Variants in FTO observed in about 807,000 individuals in gnomAD.
FTO encodes FTO alpha-ketoglutarate dependent dioxygenase.
Under a neutral mutation model 63.9 loss-of-function variants are expected in FTO, and 47 were observed. The observed-to-expected ratio is 0.74, with a 90% CI of 0.58 to 0.94. FTO has a LOEUF of 0.94. Among genes scored for constraint, FTO ranks in the 40% least tolerant of loss-of-function variants. The pLI, the probability that FTO is intolerant of heterozygous loss-of-function variation, is 0.00. For missense variants in FTO, 562 were observed against 618.1 expected, an observed-to-expected ratio of 0.91 and a Z score of 0.96; for synonymous variants, 207 against 224.4, an observed-to-expected ratio of 0.92 and a Z score of 0.69.
rs917193043 is a variant in FTO, at chr16:54,116,230, T to C, written c.*4315T>C. On this transcript the variant is annotated 3_prime_UTR_variant, in exon 9 of 9. Coordinates refer to ENST00000471389, the MANE Select transcript of FTO (RefSeq NM_001080432.3). Reference sequence around the variant, plus strand: ...TATTTTCAAATGCAACTTCTTTTTTTTTTTTCTTGCTCTAGTTAGGGCTGA... The same window carrying C: ...TATTTTCAAATGCAACTTCTTTTTTCTTTTTCTTGCTCTAGTTAGGGCTGA... 6.6e-6 allele frequency: 1 copy of C among 152,166 alleles called. No individual in the cohort carries two copies. Among genetic ancestry groups the C allele is most frequent in the Non-Finnish European group, 1.5e-5 (1 of 68,028 alleles). The allele number at this position is 152,166 out of a possible 1,614,324, so 9.4% of individuals were successfully genotyped here. A position where few individuals can be genotyped will look rare whatever the true frequency, so the allele number is the denominator to read the frequency against.
At chr16:53,917,769 C>T (rs552034702) in intron 7 of FTO, among the ~76,000 whole-genome samples, 1 of 151,266 alleles carries the variant, frequency 6.6e-6, no homozygotes, top group East Asian at 1.9e-4. Flanking sequence ...TCGTCCATCT[C>T]CTCTGGGTAA....
chr16:53,721,783 C>T (rs570494839), intron 1 of FTO, among the ~76,000 whole-genome samples: 8 of 152,308 alleles, frequency 5.3e-5, no homozygotes, highest in Admixed American at 2.6e-4. Flanking sequence ...TCACAAACCA[C>T]TGACATTTCA....
At chr16:53,947,500 C>A (rs746172070) in intron 8 of FTO, among the ~76,000 whole-genome samples, 25 of 152,104 alleles carry the variant, frequency 1.6e-4, no homozygotes, top group Non-Finnish European at 2.4e-4. Flanking sequence ...CACTTCCCAG[C>A]CACCCCTTAC....
intron 8 of FTO, among the ~76,000 whole-genome samples, chr16:54,061,389 TCAAACCA>T (rs1424139455): frequency 1.3e-5 from 2 of 152,224 alleles, no homozygotes; most frequent in African/African-American, 4.8e-5. Context: ...AAATTTCCCA[TCAAACCA>T]TGTCAGCCTC....
intron 7 of FTO, among the ~76,000 whole-genome samples, chr16:53,925,667 TA>T (rs753335830): frequency 1.2e-4 from 18 of 152,142 alleles, no homozygotes; most frequent in Non-Finnish European, 2.4e-4. Flanking sequence ...TGTATAGAAT[TA>T]TTAGTAAAGA....
At chr16:53,901,669 A>G (rs963232032) in intron 7 of FTO, among the ~76,000 whole-genome samples, 3 of 152,134 alleles carry the variant, frequency 2.0e-5, no homozygotes, top group Admixed American at 2.0e-4. Flanking sequence ...TGAAAGACTG[A>G]GTAAATGTTC....
chr16:53,799,128 C>G (rs1295817231), intron 1 of FTO, among the ~76,000 whole-genome samples: 3 of 152,070 alleles, frequency 2.0e-5, no homozygotes, highest in Non-Finnish European at 2.9e-5. Flanking sequence ...AGTCTGCTAA[C>G]ATTTTGTTAA....
intron 1 of FTO, among the ~76,000 whole-genome samples, chr16:53,751,354 AG>A (rs1221317081): frequency 6.6e-6 from 1 of 152,172 alleles, no homozygotes; most frequent in Non-Finnish European, 1.5e-5. Flanking sequence ...GCTATTTGGG[AG>A]GCTGAGGCAG....
At chr16:53,799,094 TC>T (rs1238560516) in intron 1 of FTO, among the ~76,000 whole-genome samples, 1 of 152,220 alleles carries the variant, frequency 6.6e-6, no homozygotes, top group Non-Finnish European at 1.5e-5. Context: ...TTATATATTG[TC>T]CTTTTTATGT....
intron 7 of FTO, among the ~76,000 whole-genome samples, chr16:53,893,916 T>C (rs549395507): frequency 6.6e-6 from 1 of 152,334 alleles, no homozygotes; most frequent in East Asian, 1.9e-4. Context: ...TTAATAACCT[T>C]TATTGACTTT....
chr16:54,007,304 A>G (rs1230968814), intron 8 of FTO, among the ~76,000 whole-genome samples: 2 of 152,192 alleles, frequency 1.3e-5, no homozygotes, highest in South Asian at 4.1e-4. Flanking sequence ...CTTAAAGTAT[A>G]ATTTAAAAAA....
chr16:54,020,829 G>A (rs1477507122), intron 8 of FTO, among the ~76,000 whole-genome samples: 3 of 152,110 alleles, frequency 2.0e-5, no homozygotes, highest in Non-Finnish European at 4.4e-5. Flanking sequence ...AAAATTAGCT[G>A]GGCATGGTGG....
chr16:53,915,790 TG>T (rs2151948070), intron 7 of FTO, among the ~76,000 whole-genome samples: 1 of 152,346 alleles, frequency 6.6e-6, no homozygotes, highest in Admixed American at 6.5e-5. Flanking sequence ...TGCCCATCAC[TG>T]GTTTTCGACA....
chr16:54,009,039 G>C (rs1169160123), intron 8 of FTO, among the ~76,000 whole-genome samples: 1 of 151,786 alleles, frequency 6.6e-6, no homozygotes, highest in Non-Finnish European at 1.5e-5. Flanking sequence ...CTAGCAACTT[G>C]AGTGTGGCAG....
intron 8 of FTO, among the ~76,000 whole-genome samples, chr16:53,942,354 G>A (rs2143397563): frequency 6.6e-6 from 1 of 152,322 alleles, no homozygotes; most frequent in South Asian, 2.1e-4. Flanking sequence ...TTGAGGAAGA[G>A]AACACCATGG....
At chr16:53,994,268 C>T (rs1303500844) in intron 8 of FTO, 1 of 152,168 alleles carries the variant, frequency 6.6e-6, no homozygotes, top group Non-Finnish European at 1.5e-5. Context: ...TTCTGCATCT[C>T]TTAAACTTTA....
intron 4 of FTO, among the ~76,000 whole-genome samples, chr16:53,853,783 C>G (rs1292514035): frequency 6.6e-6 from 1 of 152,138 alleles, no homozygotes; most frequent in East Asian, 1.9e-4. Flanking sequence ...CTGCAATAAA[C>G]ATATGCGTGC....
chr16:53,734,549 T>C (rs904678707), intron 1 of FTO, among the ~76,000 whole-genome samples: 19 of 152,238 alleles, frequency 1.2e-4, no homozygotes, highest in African/African-American at 4.3e-4. Context: ...AATATATAAG[T>C]TTGAAAAATG....
chr16:53,841,412 A>G (rs371414370), intron 3 of FTO, among the ~76,000 whole-genome samples: 2 of 152,244 alleles, frequency 1.3e-5, no homozygotes, highest in South Asian at 4.1e-4. Context: ...GAAAACATGT[A>G]TTAGAATGGC....
Sources: gnomAD v4.1 joint callset for allele counts (sites outside exome capture counted in the v4.1 genomes callset) on GRCh38, gnomAD v4.1.1 for gene constraint, MANE v1.5 for transcripts, NCBI Gene and HGNC (gene_info 2026-07-23, HGNC 2026-07-21) for gene names.